Variants in PALLD observed in about 807,000 individuals in gnomAD.
The protein encoded by PALLD is palladin, cytoskeletal associated protein.
In PALLD, 61 loss-of-function variants were observed where a neutral mutation model predicts 123.5. The observed-to-expected ratio is 0.49, with a 90% CI of 0.40 to 0.61. The LOEUF (loss-of-function observed/expected upper bound fraction) is 0.61. PALLD is among the 20% of genes least tolerant of loss of function. PALLD has a pLI of 0.00. For missense variants in PALLD, 1,273 were observed against 1,377.0 expected (o/e 0.92, Z 1.20); for synonymous variants, 465 against 496.4 (o/e 0.94, Z 0.84).
At chr4:168,519,695 C>G (rs1026067390) in intron 2 of PALLD, among the ~76,000 whole-genome samples, 1 of 152,108 alleles carries the variant, frequency 6.6e-6, no homozygotes, top group Non-Finnish European at 1.5e-5. Flanking sequence ...CACACACACA[C>G]ACTATGGACC....
intron 17 of PALLD, among the ~76,000 whole-genome samples, chr4:168,918,126 G>A (rs932915947): frequency 3.3e-5 from 5 of 151,498 alleles, no homozygotes; most frequent in Non-Finnish European, 7.4e-5. Flanking sequence ...TTGAACCTGG[G>A]AGGCAGAGGT....
At chr4:168,894,260 A>C (rs1293259839) in intron 11 of PALLD, 2 of 361,728 alleles carry the variant, frequency 5.5e-6, no homozygotes, top group Non-Finnish European at 1.0e-5. Context: ...TTTGCTGTTT[A>C]AATATCTTTT....
chr4:168,760,702 A>G (rs1732708054), intron 10 of PALLD, among the ~76,000 whole-genome samples: 1 of 152,208 alleles, frequency 6.6e-6, no homozygotes, highest in Non-Finnish European at 1.5e-5. Context: ...TTTGGCTTCA[A>G]AGTCCAAAGA....
intron 2 of PALLD, among the ~76,000 whole-genome samples, chr4:168,638,538 C>G (rs2723699): frequency 1.3e-5 from 2 of 152,238 alleles, no homozygotes; most frequent in Non-Finnish European, 2.9e-5. Flanking sequence ...GCGGCTATAA[C>G]GAAGTACCAT....
intron 10 of PALLD, among the ~76,000 whole-genome samples, chr4:168,801,357 C>T (rs1402577310): frequency 6.6e-6 from 1 of 152,246 alleles, no homozygotes; most frequent in Non-Finnish European, 1.5e-5. Context: ...TGGCTCACTG[C>T]AACCTCTGCC....
intron 2 of PALLD, among the ~76,000 whole-genome samples, chr4:168,573,897 G>A (rs1004070382): frequency 2.7e-5 from 4 of 150,186 alleles, no homozygotes; most frequent in African/African-American, 4.9e-5. Context: ...AACCTTTTAC[G>A]TTTGAATCTT....
At chr4:168,575,199 C>T (rs939532316) in intron 2 of PALLD, among the ~76,000 whole-genome samples, 1 of 152,032 alleles carries the variant, frequency 6.6e-6, no homozygotes, top group Non-Finnish European at 1.5e-5. Flanking sequence ...TTGAGCTCCA[C>T]CCCACTTGGA....
chr4:168,878,055 C>T, intron 10 of PALLD: 1 of 1,480,532 alleles, frequency 6.8e-7, no homozygotes, highest in South Asian at 1.3e-5. Flanking sequence ...TCGCCCATGT[C>T]CCCGACGCCG....
At chr4:168,735,248 T>C (rs1331551778) in intron 10 of PALLD, among the ~76,000 whole-genome samples, 1 of 152,150 alleles carries the variant, frequency 6.6e-6, no homozygotes, top group East Asian at 1.9e-4. Flanking sequence ...GCCTGTCCCC[T>C]GCCCTCACTG....
At chr4:168,849,754 CAA>C (rs36098159) in intron 10 of PALLD, among the ~76,000 whole-genome samples, 3,262 of 145,630 alleles carry the variant, frequency 0.022, 122 homozygotes, top group African/African-American at 0.074. Flanking sequence ...ATTTTTAAAG[CAA>C]AAAAAAAAAA....
At position 168,511,485 on chromosome 4, in the gene PALLD, T is replaced by G; in HGVS notation, c.-20T>G. ...CTTCCTACTGAAAGCAGACACAGAG[T>G]GCATGAAGACCGTTCAAATATGTCA... On this transcript the variant is annotated 5_prime_UTR_variant, in exon 2 of 22. Transcript: ENST00000505667. 3.1e-6 allele frequency: 5 copies of G among 1,596,282 alleles called. No homozygotes were observed. The highest frequency in any genetic ancestry group is 4.3e-6 in the Non-Finnish European group (5 of 1,164,272).
intron 10 of PALLD, among the ~76,000 whole-genome samples, chr4:168,836,088 G>A (rs55932073): frequency 0.086 from 13,049 of 152,252 alleles, 711 homozygotes; most frequent in South Asian, 0.17. Context: ...AGGGTTGACC[G>A]TAATTGGTAA....
At chr4:168,617,049 T>C (rs900040710) in intron 2 of PALLD, among the ~76,000 whole-genome samples, 1 of 152,190 alleles carries the variant, frequency 6.6e-6, no homozygotes, top group Non-Finnish European at 1.5e-5. Flanking sequence ...TCCTGCTTCT[T>C]CTTTCTTGCT....
chr4:168,589,346 G>T (rs1430551627), intron 2 of PALLD, among the ~76,000 whole-genome samples: 1 of 152,134 alleles, frequency 6.6e-6, no homozygotes, highest in Non-Finnish European at 1.5e-5. Flanking sequence ...GGAAAGTCCA[G>T]GTGCTTCAAG....
chr4:168,900,845 A>T (rs187914054), intron 14 of PALLD, among the ~76,000 whole-genome samples: 2 of 152,364 alleles, frequency 1.3e-5, no homozygotes, highest in South Asian at 2.1e-4. Flanking sequence ...TAGTTTATGA[A>T]CGAAATTCAA....
At chr4:168,743,174 G>A (rs983883454) in intron 10 of PALLD, among the ~76,000 whole-genome samples, 2 of 152,098 alleles carry the variant, frequency 1.3e-5, no homozygotes, top group South Asian at 4.2e-4. Flanking sequence ...TCTTTACCTT[G>A]CCCCAGCCCC....
At chr4:168,519,506 G>T (rs2149448606) in intron 2 of PALLD, among the ~76,000 whole-genome samples, 2 of 116,138 alleles carry the variant, frequency 1.7e-5, no homozygotes, top group Middle Eastern at 4.4e-3. Flanking sequence ...ATATTTTAGA[G>T]CTTTTTAAAA....
At chr4:168,519,137 T>A (rs1052825978) in intron 2 of PALLD, among the ~76,000 whole-genome samples, 4 of 152,174 alleles carry the variant, frequency 2.6e-5, no homozygotes, top group Non-Finnish European at 5.9e-5. Flanking sequence ...ACGGATGTAG[T>A]AGTACAGAGA....
chr4:168,832,475 C>T (rs1561574879), intron 10 of PALLD, among the ~76,000 whole-genome samples: 1 of 152,166 alleles, frequency 6.6e-6, no homozygotes, highest in Non-Finnish European at 1.5e-5. Flanking sequence ...TCCCGCTCTC[C>T]TAACTCTTCT....
Sources: gnomAD v4.1 joint callset for allele counts (sites outside exome capture counted in the v4.1 genomes callset) on GRCh38, gnomAD v4.1.1 for gene constraint, MANE v1.5 for transcripts, NCBI Gene and HGNC (gene_info 2026-07-23, HGNC 2026-07-21) for gene names.